SFMBT1: variants seen among roughly 807,000 people sequenced by gnomAD.
SFMBT1 encodes the protein scm-like with four MBT domains protein 1.
In SFMBT1, 32 loss-of-function variants were observed where a neutral mutation model predicts 108.7. That is an observed-to-expected ratio of 0.29 (90% CI 0.22 to 0.40). SFMBT1 has a LOEUF of 0.40. SFMBT1 is among the 10% of genes least tolerant of loss of function. The pLI, the probability that SFMBT1 is intolerant of heterozygous loss-of-function variation, is 1.00. For synonymous variants in SFMBT1, 348 were observed against 369.5 expected (o/e 0.94, Z 0.67); for missense variants, 816 against 1,059.6 (o/e 0.77, Z 3.19).
chr3:52,906,324 C>T (rs1282493528), intron 19 of SFMBT1, 83 bp from the exon 20 acceptor site: 1 of 1,599,110 alleles, frequency 6.3e-7, no homozygotes, highest in East Asian at 2.2e-5. Flanking sequence ...AATTCATAAT[C>T]TTTCAAGACA....
At chr3:52,935,773 G>A (rs935135554) in intron 4 of SFMBT1, among the ~76,000 whole-genome samples, 3 of 152,160 alleles carry the variant, frequency 2.0e-5, no homozygotes, top group Non-Finnish European at 4.4e-5. Context: ...GGACCCAAGT[G>A]AGACGCACGC....
chr3:52,916,956 A>G (rs1371828599), intron 13 of SFMBT1, among the ~76,000 whole-genome samples: 2 of 152,162 alleles, frequency 1.3e-5, no homozygotes, highest in Non-Finnish European at 2.9e-5. Context: ...TTCAAATTAA[A>G]GACAAATTAT....
chr3:53,003,606 C>A (rs564899301), intron 1 of SFMBT1, among the ~76,000 whole-genome samples: 20 of 149,524 alleles, frequency 1.3e-4, no homozygotes, highest in African/African-American at 4.4e-4. Context: ...ACAAATCAGC[C>A]TTCTCAGAGG....
At chr3:52,941,141 G>A (rs1294561207) in intron 4 of SFMBT1, among the ~76,000 whole-genome samples, 2 of 152,132 alleles carry the variant, frequency 1.3e-5, no homozygotes, top group Non-Finnish European at 2.9e-5. Context: ...ACATTATTGG[G>A]ACCAGGATAG....
chr3:53,014,799 ACAGC>A (rs1004437081), intron 1 of SFMBT1, among the ~76,000 whole-genome samples: 14 of 152,234 alleles, frequency 9.2e-5, no homozygotes, highest in African/African-American at 3.4e-4. Flanking sequence ...GAATAAAGAC[ACAGC>A]CAGCATAAAT....
chr3:53,030,683 C>CAAAAAAAAAAA (rs10668462), intron 1 of SFMBT1, among the ~76,000 whole-genome samples: 8 of 82,740 alleles, frequency 9.7e-5, no homozygotes, highest in African/African-American at 2.7e-4. Flanking sequence ...GGCCATAATG[C>CAAAAAAAAAAA]AAAAAAAAAA....
At position 52,907,715 on chromosome 3, in the gene SFMBT1, T is replaced by C. The variant is rs762912756; in HGVS notation, c.1925A>G (p.Lys642Arg). 4 of 1,610,238 alleles carry C rather than the reference T, an allele frequency of 2.5e-6. No homozygotes were observed. The highest frequency in any genetic ancestry group is 3.4e-6 in the Non-Finnish European group (4 of 1,179,094). The change falls in exon 18 of 21, where the codon AAG (lysine) becomes AGG (arginine). Residue 642 changes from lysine (K) to arginine (R), a missense_variant. By Grantham distance (26) the Lys-to-Arg change is conservative. Transcript: ENST00000394752. Reference protein sequence around the residue: ...KTKYTHYYGKKKNKRIGRPPG... With the variant: ...KTKYTHYYGKRKNKRIGRPPG... ...TGGCCTCCCAATTCTTTTATTTTTC[T>C]TCTTTCCGTAATAGTGTGCTAAATG... is the stretch of plus-strand genomic sequence containing the variant.
chr3:53,007,064 C>T (rs1698770415), intron 1 of SFMBT1, among the ~76,000 whole-genome samples: 2 of 152,228 alleles, frequency 1.3e-5, no homozygotes, highest in Admixed American at 1.3e-4. Context: ...CCAGCAGACA[C>T]ATGCTCACTA....
rs1425873295 is a variant in SFMBT1, at chr3:52,904,385, T to C, written c.*751A>G. The C allele has an allele frequency of 6.6e-6, 1 of 152,158 alleles. No individual in the cohort carries two copies. Among genetic ancestry groups the C allele is most frequent in the African/African-American group, 2.4e-5 (1 of 41,430 alleles). 9.4% of individuals were successfully genotyped at this position (152,158 alleles called of 1,614,324 possible). A position where few individuals can be genotyped will look rare whatever the true frequency, so the allele number is the denominator to read the frequency against. On this transcript the variant is annotated 3_prime_UTR_variant, in exon 21 of 21. Coordinates refer to ENST00000394752, the MANE Select transcript of SFMBT1 (RefSeq NM_016329.4). ...CAGATCAGGTCAGTTAAGGAACTGGTGTAAGTGCCCCATATAATGTTTTTA... is the reference window on the plus strand; with the variant it reads ...CAGATCAGGTCAGTTAAGGAACTGGCGTAAGTGCCCCATATAATGTTTTTA...
At chr3:52,918,250 T>A (rs1702419351) in intron 13 of SFMBT1, among the ~76,000 whole-genome samples, 2 of 152,186 alleles carry the variant, frequency 1.3e-5, no homozygotes, top group African/African-American at 4.8e-5. Flanking sequence ...ATCTTAAGGC[T>A]CTAAAAGCCA....
chr3:52,925,153 G>A (rs904153996), intron 10 of SFMBT1, among the ~76,000 whole-genome samples: 10 of 152,052 alleles, frequency 6.6e-5, no homozygotes, highest in East Asian at 1.9e-4. Flanking sequence ...CCCGGGAGGC[G>A]GAGGCTATAG....
At chr3:52,907,978 C>A (rs1307850942) in intron 17 of SFMBT1, among the ~76,000 whole-genome samples, 1 of 152,102 alleles carries the variant, frequency 6.6e-6, no homozygotes, top group Non-Finnish European at 1.5e-5. Context: ...CCAGTCAGTA[C>A]CCCTTACTAG....
intron 1 of SFMBT1, among the ~76,000 whole-genome samples, chr3:53,005,439 G>A (rs1529544): frequency 0.45 from 68,905 of 151,972 alleles, 15,935 homozygotes; most frequent in South Asian, 0.63. Flanking sequence ...CCTGCCATAC[G>A]GTAGCTAGGA....
At chr3:53,004,130 G>A (rs1050641356) in intron 1 of SFMBT1, among the ~76,000 whole-genome samples, 3 of 149,618 alleles carry the variant, frequency 2.0e-5, no homozygotes, top group African/African-American at 4.9e-5. Context: ...ATATTTCCTC[G>A]TTTCATGTTC....
At chr3:52,930,027 G>A in intron 8 of SFMBT1, among the ~76,000 whole-genome samples, 1 of 152,114 alleles carries the variant, frequency 6.6e-6, no homozygotes, top group Non-Finnish European at 1.5e-5. Flanking sequence ...AGATACCCTG[G>A]CCTCCTAAAG....
Position 52,981,244 on chromosome 3 carries a change from T to C in SFMBT1, c.-130-11986A>G, listed in dbSNP as rs1177032854. Among the ~76,000 whole-genome samples, 4 of 151,408 alleles carry C rather than the reference T, an allele frequency of 2.6e-5. No individual in the cohort carries two copies. The South Asian group carries it at 6.2e-4, about 24-fold the overall frequency. ...AGGATGGTTTGATAATTTTAGAAAG[T>C]GGTTTGGCTTTAAAACTTTAGGAGG... On this transcript the variant is annotated intron_variant, in intron 1 of 20. Transcript: ENST00000394752.
At chr3:52,982,728 T>TTAAAAAAA (rs1704755977) in intron 1 of SFMBT1, among the ~76,000 whole-genome samples, 1 of 13,902 alleles carries the variant, frequency 7.2e-5, no homozygotes, top group Non-Finnish European at 1.2e-4. Flanking sequence ...GACTCCCATC[T>TTAAAAAAA]CAAAAAAAAA....
chr3:53,037,847 AC>A (rs1282208914), intron 1 of SFMBT1, among the ~76,000 whole-genome samples: 2 of 152,090 alleles, frequency 1.3e-5, no homozygotes, highest in Non-Finnish European at 2.9e-5. Context: ...AGTGGCTCAC[AC>A]CTGTAATCTC....
intron 4 of SFMBT1, among the ~76,000 whole-genome samples, chr3:52,936,184 C>T (rs1703003543): frequency 6.6e-6 from 1 of 152,160 alleles, no homozygotes; most frequent in Admixed American, 6.5e-5. Context: ...TCATTACGGG[C>T]TCAATGGTGA....
Sources: allele counts gnomAD v4.1 joint callset (sites outside exome capture counted in the v4.1 genomes callset), GRCh38; gene constraint gnomAD v4.1.1; transcripts MANE v1.5; gene names NCBI Gene and HGNC (gene_info 2026-07-23, HGNC 2026-07-21).